CDH12: variants seen among roughly 807,000 people sequenced by gnomAD.
The protein encoded by CDH12 is cadherin 12, also known as cadherin-12.
A neutral mutation model predicts 74.1 loss-of-function variants in CDH12; 41 were observed. That is an observed-to-expected ratio of 0.55 (90% confidence interval 0.43 to 0.72). CDH12 has a LOEUF of 0.72. CDH12 is among the 30% of genes least tolerant of loss of function. The probability of loss-of-function intolerance (pLI) is 0.00; values close to 1 mark genes in which losing one functional copy is unlikely to be tolerated. For synonymous variants in CDH12, 399 were observed against 355.0 expected (o/e 1.12, Z -1.39); for missense variants, 945 against 977.2 (o/e 0.97, Z 0.44).
intron 1 of CDH12, among the ~76,000 whole-genome samples, chr5:22,509,799 G>A (rs1208891771): frequency 6.6e-6 from 1 of 152,096 alleles, no homozygotes; most frequent in Non-Finnish European, 1.5e-5. Flanking sequence ...ATAGAAAGAG[G>A]TTAACCTTGA....
chr5:21,773,862 G>T (rs767369372), intron 11 of CDH12, among the ~76,000 whole-genome samples: 5 of 151,960 alleles, frequency 3.3e-5, no homozygotes, highest in Non-Finnish European at 7.4e-5. Flanking sequence ...CTTCATATCA[G>T]CATTTAAATG....
At chr5:22,529,677 C>A (rs1443604737) in intron 1 of CDH12, among the ~76,000 whole-genome samples, 1 of 152,172 alleles carries the variant, frequency 6.6e-6, no homozygotes, top group African/African-American at 2.4e-5. Context: ...AATGTCTGGG[C>A]AGCCTGTGGC....
intron 6 of CDH12, among the ~76,000 whole-genome samples, chr5:21,859,719 A>G (rs538358828): frequency 9.2e-5 from 14 of 152,128 alleles, no homozygotes; most frequent in East Asian, 1.9e-4. Context: ...TTAAACTGGA[A>G]GTTAAGATTG....
chr5:22,627,000 T>C (rs1738331893), intron 1 of CDH12, among the ~76,000 whole-genome samples: 1 of 152,158 alleles, frequency 6.6e-6, no homozygotes, highest in African/African-American at 2.4e-5. Context: ...GAGGAAAGAA[T>C]CTTGGAGCTT....
At chr5:21,816,915 A>G (rs996653094) in intron 9 of CDH12, 30 bp downstream of exon 9, 2 of 1,312,044 alleles carry the variant, frequency 1.5e-6, no homozygotes, top group Non-Finnish European at 2.1e-6. Flanking sequence ...ATTATTTAGT[A>G]GTCAACTGTC....
At chr5:22,398,654 T>C (rs1742573299) in intron 3 of CDH12, among the ~76,000 whole-genome samples, 1 of 152,154 alleles carries the variant, frequency 6.6e-6, no homozygotes, top group Non-Finnish European at 1.5e-5. Flanking sequence ...GGGTGGTAGA[T>C]ATGAAGTCTT....
At chr5:22,576,769 CTG>C (rs1739809608) in intron 1 of CDH12, among the ~76,000 whole-genome samples, 3 of 151,914 alleles carry the variant, frequency 2.0e-5, no homozygotes, top group African/African-American at 7.3e-5. Context: ...GAATTGATAA[CTG>C]AGAGAGAGAG....
rs78984816 is a variant in CDH12 at position 22,288,862 on chromosome 5, C to T, written c.-332-76219G>A. Among the ~76,000 whole-genome samples the T allele has an allele frequency of 8.2e-4, 124 of 152,042 alleles. 3 individuals carry two copies. In the East Asian group the frequency reaches 0.022, roughly 27 times the overall value. On this transcript the variant is annotated intron_variant, in intron 3 of 14. Coordinates refer to ENST00000382254, the MANE Select transcript of CDH12 (RefSeq NM_004061.5). ...TAACAACTTAAATCTAAATTCATAG[C>T]GTGCAGAGTGGGTAGAGAGAAATAG...
chr5:21,772,123 T>C (rs540476097), intron 11 of CDH12, among the ~76,000 whole-genome samples: 4 of 152,326 alleles, frequency 2.6e-5, no homozygotes, highest in South Asian at 4.1e-4. Flanking sequence ...CAGTGAGTTG[T>C]TGGGCTTAGA....
chr5:22,517,114 A>G (rs2126679975), intron 1 of CDH12, among the ~76,000 whole-genome samples: 1 of 152,192 alleles, frequency 6.6e-6, no homozygotes, highest in Middle Eastern at 3.4e-3. Flanking sequence ...AGACCATTAG[A>G]TCTAAACACA....
At chr5:22,373,631 A>G (rs1313520161) in intron 3 of CDH12, among the ~76,000 whole-genome samples, 1 of 152,162 alleles carries the variant, frequency 6.6e-6, no homozygotes, top group East Asian at 1.9e-4. Flanking sequence ...CACAGTCTCC[A>G]CTCATAAATG....
chr5:22,689,019 G>T (rs1013929121), intron 1 of CDH12, among the ~76,000 whole-genome samples: 1 of 152,094 alleles, frequency 6.6e-6, no homozygotes, highest in Non-Finnish European at 1.5e-5. Context: ...AATATTCACA[G>T]CCTGAATTAA....
intron 6 of CDH12, among the ~76,000 whole-genome samples, chr5:21,949,226 A>C (rs1755714367): frequency 6.6e-6 from 1 of 152,066 alleles, no homozygotes; most frequent in Non-Finnish European, 1.5e-5. Context: ...CGAGGCGGGC[A>C]GATCACGAGG....
chr5:22,201,473 T>A (rs1197583752), intron 4 of CDH12, among the ~76,000 whole-genome samples: 1 of 152,112 alleles, frequency 6.6e-6, no homozygotes, highest in Admixed American at 6.6e-5. Flanking sequence ...AAATAATGTG[T>A]ACAAATGAAC....
At chr5:22,460,209 C>A (rs980051684) in intron 2 of CDH12, among the ~76,000 whole-genome samples, 21 of 151,858 alleles carry the variant, frequency 1.4e-4, no homozygotes, top group African/African-American at 5.1e-4. Context: ...TTACTTTTAC[C>A]TGTAATATAA....
chr5:22,077,333 T>C (rs998501919), intron 5 of CDH12, among the ~76,000 whole-genome samples: 1 of 152,170 alleles, frequency 6.6e-6, no homozygotes, highest in African/African-American at 2.4e-5. Context: ...TTAAGTGTGG[T>C]AGAAATAATT....
intron 2 of CDH12, among the ~76,000 whole-genome samples, chr5:22,421,139 A>G (rs1393584038): frequency 6.6e-6 from 1 of 152,186 alleles, no homozygotes; most frequent in East Asian, 1.9e-4. Flanking sequence ...ATCTGCAAAC[A>G]GAGACAGTTT....
intron 6 of CDH12, among the ~76,000 whole-genome samples, chr5:21,922,372 A>T (rs1018664760): frequency 2.6e-5 from 4 of 152,174 alleles, no homozygotes; most frequent in African/African-American, 7.2e-5. Flanking sequence ...AATTCAGATG[A>T]GCCTTGCTTC....
At chr5:21,754,643 G>T (rs546117661) in intron 14 of CDH12, among the ~76,000 whole-genome samples, 5 of 152,068 alleles carry the variant, frequency 3.3e-5, no homozygotes, top group Non-Finnish European at 5.9e-5. Context: ...GCGTTACTCC[G>T]TGCCTTTCAT....
Sources: gnomAD v4.1 joint callset for allele counts (sites outside exome capture counted in the v4.1 genomes callset) on GRCh38, gnomAD v4.1.1 for gene constraint, MANE v1.5 for transcripts, NCBI Gene and HGNC (gene_info 2026-07-23, HGNC 2026-07-21) for gene names.